RPS6KA5: variants seen among roughly 807,000 people sequenced by gnomAD.
RPS6KA5 encodes ribosomal protein S6 kinase A5.
RPS6KA5 carries 27 observed loss-of-function variants against 85.5 expected under a neutral mutation model. The ratio of observed to expected loss-of-function variants is 0.32; its 90% confidence interval spans 0.23 to 0.44. The LOEUF is 0.44. RPS6KA5 is among the 20% of genes least tolerant of loss of function. The pLI, the probability that RPS6KA5 is intolerant of heterozygous loss-of-function variation, is 1.00. For missense variants in RPS6KA5, 811 were observed against 980.9 expected, an observed-to-expected ratio of 0.83 and a Z score of 2.31; for synonymous variants, 334 against 348.2, an observed-to-expected ratio of 0.96 and a Z score of 0.46.
At chr14:90,957,357 A>AC (rs2038579331) in intron 3 of RPS6KA5, among the ~76,000 whole-genome samples, 1 of 152,106 alleles carries the variant, frequency 6.6e-6, no homozygotes, top group African/African-American at 2.4e-5. Flanking sequence ...GAGCCACTGC[A>AC]CCTAGCCTGT....
intron 9 of RPS6KA5, among the ~76,000 whole-genome samples, chr14:90,901,702 C>T (rs898394695): frequency 6.6e-6 from 1 of 152,144 alleles, no homozygotes; most frequent in Non-Finnish European, 1.5e-5. Flanking sequence ...CAGATTAAGC[C>T]ATACTAAAGG....
chr14:91,037,321 C>T (rs1211347538), intron 1 of RPS6KA5, among the ~76,000 whole-genome samples: 1 of 152,162 alleles, frequency 6.6e-6, no homozygotes, highest in East Asian at 1.9e-4. Flanking sequence ...AGTCACTGCC[C>T]CAAATCTCTG....
At chr14:90,918,633 A>T (rs900197525) in intron 7 of RPS6KA5, among the ~76,000 whole-genome samples, 7 of 152,212 alleles carry the variant, frequency 4.6e-5, no homozygotes, top group Non-Finnish European at 8.8e-5. Flanking sequence ...TCCTTCCAGA[A>T]GTTTTATAGT....
At chr14:91,027,883 T>C (rs2042043309) in intron 1 of RPS6KA5, among the ~76,000 whole-genome samples, 1 of 152,202 alleles carries the variant, frequency 6.6e-6, no homozygotes, top group Non-Finnish European at 1.5e-5. Context: ...AATGGGCCTA[T>C]CTTGTGTCAG....
intron 7 of RPS6KA5, among the ~76,000 whole-genome samples, chr14:90,908,449 TGAG>T (rs2035630610): frequency 6.6e-6 from 1 of 152,104 alleles, no homozygotes; most frequent in Non-Finnish European, 1.5e-5. Context: ...TAGCAGGTGA[TGAG>T]GAGTATCTTG....
chr14:91,034,521 C>G (rs1358405879), intron 1 of RPS6KA5, among the ~76,000 whole-genome samples: 2 of 151,958 alleles, frequency 1.3e-5, no homozygotes, highest in Non-Finnish European at 2.9e-5. Flanking sequence ...CGCTCTGTGT[C>G]TAGCTAAAGG....
rs1005930881 is a variant in RPS6KA5 at position 90,865,782 on chromosome 14, A to C, written c.*6292T>G. ...CTTCCTAGAGAAAAATAAGCACTTT[A>C]TGAAGCTTATAAGTTCCTTTATGTA... On this transcript the variant is annotated 3_prime_UTR_variant, in exon 17 of 17. Transcript: ENST00000614987. 6.6e-6 allele frequency: 1 copy of C among 152,122 alleles called. No homozygotes were observed. The highest frequency in any genetic ancestry group is 2.4e-5 in the African/African-American group (1 of 41,390). 9.4% of individuals were successfully genotyped at this position (152,122 alleles called of 1,614,324 possible). A position where few individuals can be genotyped will look rare whatever the true frequency, so the allele number is the denominator to read the frequency against.
At chr14:90,934,670 C>T (rs893398947) in intron 5 of RPS6KA5, among the ~76,000 whole-genome samples, 6 of 151,962 alleles carry the variant, frequency 3.9e-5, no homozygotes, top group South Asian at 4.1e-4. Flanking sequence ...TAAAAAAAAT[C>T]GTATTATGAA....
At chr14:90,897,431 A>G (rs984098239) in intron 12 of RPS6KA5, among the ~76,000 whole-genome samples, 2 of 152,212 alleles carry the variant, frequency 1.3e-5, no homozygotes, top group Non-Finnish European at 2.9e-5. Context: ...CGTGAAACGC[A>G]TATCATGGCA....
intron 1 of RPS6KA5, among the ~76,000 whole-genome samples, chr14:91,018,704 G>C (rs889247551): frequency 2.6e-5 from 4 of 152,142 alleles, no homozygotes; most frequent in African/African-American, 4.8e-5. Context: ...ACAGACTGAA[G>C]GCTGCACAGT....
chr14:90,955,451 C>A (rs2038449470), intron 3 of RPS6KA5, among the ~76,000 whole-genome samples: 1 of 152,104 alleles, frequency 6.6e-6, no homozygotes, highest in Non-Finnish European at 1.5e-5. Context: ...CGGGGTCTCA[C>A]ACTTTGTTGC....
chr14:91,014,142 C>A (rs1013015002), intron 1 of RPS6KA5, among the ~76,000 whole-genome samples: 7 of 152,110 alleles, frequency 4.6e-5, no homozygotes, highest in East Asian at 3.9e-4. Flanking sequence ...TTATTGCATG[C>A]AAATTATAAC....
intron 1 of RPS6KA5, among the ~76,000 whole-genome samples, chr14:91,004,247 G>C (rs562194946): frequency 6.6e-6 from 1 of 152,026 alleles, no homozygotes; most frequent in East Asian, 1.9e-4. Flanking sequence ...CACCACGCCC[G>C]GCTAATTTTT....
chr14:90,917,064 G>A (rs551840000), intron 7 of RPS6KA5, among the ~76,000 whole-genome samples: 1 of 152,104 alleles, frequency 6.6e-6, no homozygotes, highest in Non-Finnish European at 1.5e-5. Context: ...TCAGGCTAAG[G>A]CGACCCTTAG....
chr14:90,983,305 A>G (rs2039887661), intron 2 of RPS6KA5, among the ~76,000 whole-genome samples: 1 of 151,736 alleles, frequency 6.6e-6, no homozygotes, highest in Non-Finnish European at 1.5e-5. Flanking sequence ...AAGAAAGAAA[A>G]AAATATGAGC....
chr14:90,897,733 C>T (rs1152425), intron 12 of RPS6KA5, among the ~76,000 whole-genome samples: 2,387 of 152,264 alleles, frequency 0.016, 76 homozygotes, highest in African/African-American at 0.055. Flanking sequence ...GTTCATGGGA[C>T]CTGACATTAG....
chr14:90,901,285 T>C (rs1034287312), intron 9 of RPS6KA5, among the ~76,000 whole-genome samples: 1 of 152,040 alleles, frequency 6.6e-6, no homozygotes, highest in South Asian at 2.1e-4. Context: ...TCACCATGTC[T>C]CGAACTGGTC....
In RPS6KA5 at chr14:90,873,796, C is replaced by T; in HGVS notation, c.1997-1G>A. On this transcript the variant is annotated splice_acceptor_variant, in intron 15 of 16. Transcript: ENST00000614987. LOFTEE classifies it high-confidence loss of function. ...TTGTTTGGATCTACTGTGAGAAGTC[C>T]TTTGGGAATAGATATTTTTATTTTA... 3 of 1,607,418 alleles carry T rather than the reference C, an allele frequency of 1.9e-6. No individual in the cohort carries two copies. Among genetic ancestry groups the T allele is most frequent in the Non-Finnish European group, 2.5e-6 (3 of 1,177,668 alleles).
At chr14:91,048,714 T>C (rs1438326169) in intron 1 of RPS6KA5, among the ~76,000 whole-genome samples, 2 of 152,130 alleles carry the variant, frequency 1.3e-5, no homozygotes, top group African/African-American at 4.8e-5. Flanking sequence ...GATCATACCT[T>C]TGAGGTGCAC....
Sources: gnomAD v4.1 joint callset for allele counts (sites outside exome capture counted in the v4.1 genomes callset) on GRCh38, gnomAD v4.1.1 for gene constraint, MANE v1.5 for transcripts, NCBI Gene and HGNC (gene_info 2026-07-23, HGNC 2026-07-21) for gene names.